Variants in CCNY observed in about 807,000 individuals in gnomAD.
CCNY encodes cyclin-Y.
Under a neutral mutation model 42.8 loss-of-function variants are expected in CCNY, and 19 were observed. That is an observed-to-expected ratio of 0.44 (90% CI 0.31 to 0.65). The LOEUF (loss-of-function observed/expected upper bound fraction) is 0.65, where lower values mean the gene tolerates loss of function less well. Among genes scored for constraint, CCNY ranks in the 30% least tolerant of loss-of-function variants. The pLI is 0.07. For synonymous variants in CCNY, 165 were observed against 162.7 expected (o/e 1.01, Z -0.11); for missense variants, 370 against 437.3 (o/e 0.85, Z 1.37).
At chr10:35,496,353 A>C (rs1036658098) in intron 2 of CCNY, among the ~76,000 whole-genome samples, 1 of 152,198 alleles carries the variant, frequency 6.6e-6, no homozygotes, top group Non-Finnish European at 1.5e-5. Context: ...TGTATAGAGG[A>C]AGGGGTCCTA....
chr10:35,400,919 T>C (rs2135228652), intron 1 of CCNY, among the ~76,000 whole-genome samples: 1 of 152,334 alleles, frequency 6.6e-6, no homozygotes, highest in South Asian at 2.1e-4. Flanking sequence ...TGAACTATTA[T>C]CTTAATGCGC....
At chr10:35,514,542 A>G (rs1319572121) in intron 3 of CCNY, among the ~76,000 whole-genome samples, 3 of 152,272 alleles carry the variant, frequency 2.0e-5, no homozygotes, top group Non-Finnish European at 2.9e-5. Context: ...GTTACTTCCT[A>G]GATTATGATG....
At chr10:35,500,837 A>C (rs1275323754) in intron 2 of CCNY, among the ~76,000 whole-genome samples, 3 of 152,240 alleles carry the variant, frequency 2.0e-5, no homozygotes, top group Non-Finnish European at 4.4e-5. Context: ...CAGGCCATGC[A>C]TGCAGTGTGA....
chr10:35,423,732 C>T (rs1385034848), intron 1 of CCNY, among the ~76,000 whole-genome samples: 1 of 152,070 alleles, frequency 6.6e-6, no homozygotes, highest in Non-Finnish European at 1.5e-5. Context: ...GGGTTGCTGG[C>T]TATGACCAGA....
chr10:35,533,277 G>T (rs1769843747), intron 7 of CCNY, among the ~76,000 whole-genome samples: 1 of 152,146 alleles, frequency 6.6e-6, no homozygotes, highest in Non-Finnish European at 1.5e-5. Context: ...ACCCAGAGTT[G>T]AAGGAGCTTG....
intron 1 of CCNY, among the ~76,000 whole-genome samples, chr10:35,471,414 C>T (rs1839389538): frequency 6.6e-6 from 1 of 152,062 alleles, no homozygotes; most frequent in Non-Finnish European, 1.5e-5. Flanking sequence ...TTTTCTTAGC[C>T]ACTATCTTAT....
chr10:35,257,181 TTC>T (rs965970257), intron 3 of CCNY, among the ~76,000 whole-genome samples: 5 of 150,870 alleles, frequency 3.3e-5, no homozygotes, highest in Admixed American at 3.3e-4. Flanking sequence ...CTAGTGGTAA[TTC>T]TCTCTTTCTT....
intron 8 of CCNY, among the ~76,000 whole-genome samples, chr10:35,559,262 G>A (rs1841419837): frequency 6.6e-6 from 1 of 152,210 alleles, no homozygotes; most frequent in South Asian, 2.1e-4. Context: ...AAGTGGCAAA[G>A]ACCTGACCAA....
chr10:35,254,852 G>A (rs911036002), intron 3 of CCNY, among the ~76,000 whole-genome samples: 13 of 135,956 alleles, frequency 9.6e-5, no homozygotes, highest in East Asian at 6.4e-4. Flanking sequence ...AAAAAAAAAG[G>A]AAAGAAAAAA....
chr10:35,319,040 G>A (rs1031457267), intron 3 of CCNY, among the ~76,000 whole-genome samples: 10 of 152,112 alleles, frequency 6.6e-5, no homozygotes, highest in African/African-American at 1.2e-4. Flanking sequence ...ACGGCTCACC[G>A]AAGCCTTGAC....
intron 3 of CCNY, among the ~76,000 whole-genome samples, chr10:35,286,807 G>A (rs1835360293): frequency 6.6e-6 from 1 of 151,772 alleles, no homozygotes; most frequent in South Asian, 2.1e-4. Context: ...TTACAGGTGA[G>A]CACCATCAAG....
chr10:35,386,034 A>G (rs762684774), intron 1 of CCNY, among the ~76,000 whole-genome samples: 1 of 152,026 alleles, frequency 6.6e-6, no homozygotes, highest in Non-Finnish European at 1.5e-5. Flanking sequence ...TCTGATTGAA[A>G]TGGGAAACAG....
chr10:35,484,359 G>T (rs1839739704), intron 2 of CCNY, among the ~76,000 whole-genome samples: 1 of 152,202 alleles, frequency 6.6e-6, no homozygotes, highest in African/African-American at 2.4e-5. Context: ...TAACGATTAG[G>T]TAACAATTTT....
intron 3 of CCNY, among the ~76,000 whole-genome samples, chr10:35,514,945 TA>T (rs1840398710): frequency 6.6e-6 from 1 of 152,246 alleles, no homozygotes; most frequent in Non-Finnish European, 1.5e-5. Flanking sequence ...TAATAGCTGT[TA>T]TTAGAGTCTG....
intron 1 of CCNY, among the ~76,000 whole-genome samples, chr10:35,421,030 T>TG (rs1415756869): frequency 6.6e-6 from 1 of 152,188 alleles, no homozygotes; most frequent in African/African-American, 2.4e-5. Flanking sequence ...GCCAGCCCAG[T>TG]GGATAGGCCT....
At chr10:35,319,751 C>A (rs1311158565) in intron 3 of CCNY, among the ~76,000 whole-genome samples, 2 of 151,898 alleles carry the variant, frequency 1.3e-5, no homozygotes, top group Non-Finnish European at 2.9e-5. Context: ...GAGTTTGGGA[C>A]CAGCCTGGCC....
intron 7 of CCNY, among the ~76,000 whole-genome samples, chr10:35,547,630 T>G (rs1276335868): frequency 2.0e-5 from 3 of 152,212 alleles, no homozygotes; most frequent in African/African-American, 7.2e-5. Context: ...ATCACTCGTA[T>G]GTAGTCCCGC....
intron 2 of CCNY, among the ~76,000 whole-genome samples, chr10:35,492,636 C>T (rs1210050722): frequency 6.6e-6 from 1 of 152,196 alleles, no homozygotes; most frequent in African/African-American, 2.4e-5. Context: ...AGGAACTGTG[C>T]CTTTCACATT....
chr10:35,357,521 A>G (rs965733693), intron 1 of CCNY, among the ~76,000 whole-genome samples: 14 of 152,302 alleles, frequency 9.2e-5, no homozygotes, highest in Admixed American at 2.6e-4. Flanking sequence ...ATATCCCTCA[A>G]TTTGACTTTG....
Sources: gnomAD v4.1 joint callset for allele counts (sites outside exome capture counted in the v4.1 genomes callset) on GRCh38, gnomAD v4.1.1 for gene constraint, MANE v1.5 for transcripts, NCBI Gene and HGNC (gene_info 2026-07-23, HGNC 2026-07-21) for gene names.